SLCO3A1: variants seen among roughly 807,000 people sequenced by gnomAD.
The protein encoded by SLCO3A1 is PGE1 transporter.
SLCO3A1 carries 27 observed loss-of-function variants against 63.1 expected under a neutral mutation model. The observed-to-expected ratio is 0.43, with a 90% CI of 0.32 to 0.59. SLCO3A1 has a LOEUF of 0.59. SLCO3A1 is among the 20% of genes least tolerant of loss of function. SLCO3A1 has a pLI of 0.09. For synonymous variants in SLCO3A1, 473 were observed against 409.9 expected (o/e 1.15, Z -1.86); for missense variants, 773 against 945.8 (o/e 0.82, Z 2.40).
intron 1 of SLCO3A1, among the ~76,000 whole-genome samples, chr15:91,869,715 A>C (rs1338714018): frequency 2.6e-5 from 4 of 151,918 alleles, no homozygotes; most frequent in Admixed American, 2.6e-4. Flanking sequence ...AACAACAAAG[A>C]AAGGATCATT....
At position 92,165,629 on chromosome 15, in the gene SLCO3A1, A is replaced by G. The variant is rs2048488054; in HGVS notation, c.*2494A>G. On this transcript the variant is annotated 3_prime_UTR_variant, in exon 10 of 10. Coordinates refer to ENST00000318445, the MANE Select transcript of SLCO3A1 (RefSeq NM_013272.4). ...ACTCCAGGGCTGAGTTTTATCAGCA[A>G]TTGGGTATAAATTTAAAGACCGCTG... 1 of 985,458 alleles carries G rather than the reference A, an allele frequency of 1.0e-6. No individual in the cohort carries two copies. The highest frequency in any genetic ancestry group is 4.7e-5 in the South Asian group (1 of 21,290). 61.0% of individuals were successfully genotyped at this position (985,458 alleles called of 1,614,324 possible).
At chr15:92,120,752 T>A (rs1201444305) in intron 5 of SLCO3A1, 123 bp downstream of exon 5, 1 of 766,004 alleles carries the variant, frequency 1.3e-6, no homozygotes, top group Non-Finnish European at 2.2e-6. Flanking sequence ...CAACAAGATA[T>A]ATGTGGCCTC....
intron 1 of SLCO3A1, among the ~76,000 whole-genome samples, chr15:91,909,038 G>A (rs1421186043): frequency 2.0e-5 from 3 of 152,188 alleles, no homozygotes; most frequent in South Asian, 2.1e-4. Context: ...TCCAGCCTGC[G>A]CAACAGAGCG....
intron 1 of SLCO3A1, among the ~76,000 whole-genome samples, chr15:91,874,332 C>T (rs4932581): frequency 0.17 from 25,611 of 152,044 alleles, 2,473 homozygotes; most frequent in Middle Eastern, 0.23. Context: ...ATATTCACAA[C>T]GTTGTGCAAC....
In SLCO3A1 at chr15:92,058,459, A is replaced by G. The variant is rs577854248; in HGVS notation, c.647-36422A>G. Reference sequence around the variant, plus strand: ...CATTCCTTTTAAGGGAATGGCCTTCAGATGACCTTGAAGATAGGATGTTGG... The same window carrying G: ...CATTCCTTTTAAGGGAATGGCCTTCGGATGACCTTGAAGATAGGATGTTGG... On this transcript the variant is annotated intron_variant, in intron 2 of 9. Transcript: ENST00000318445. Among the ~76,000 whole-genome samples, 28 of 152,264 alleles carry G rather than the reference A, an allele frequency of 1.8e-4. No homozygotes were observed. In the East Asian group the frequency reaches 5.2e-3, roughly 28 times the overall value.
chr15:91,927,733 A>G (rs1253431261), intron 2 of SLCO3A1, among the ~76,000 whole-genome samples: 1 of 152,198 alleles, frequency 6.6e-6, no homozygotes, highest in Non-Finnish European at 1.5e-5. Flanking sequence ...TACCATAAGA[A>G]CATTCACGTT....
intron 2 of SLCO3A1, among the ~76,000 whole-genome samples, chr15:92,002,054 C>T (rs17644210): frequency 0.18 from 26,677 of 151,902 alleles, 2,588 homozygotes; most frequent in East Asian, 0.39. Flanking sequence ...CGGAAGACCA[C>T]GACATAGGGA....
intron 7 of SLCO3A1, among the ~76,000 whole-genome samples, chr15:92,135,798 A>T (rs2048049967): frequency 6.6e-6 from 1 of 152,210 alleles, no homozygotes; most frequent in African/African-American, 2.4e-5. Flanking sequence ...AAAAGATCAA[A>T]GATCTCACAG....
chr15:92,025,268 G>A (rs575051063), intron 2 of SLCO3A1, among the ~76,000 whole-genome samples: 64 of 150,712 alleles, frequency 4.2e-4, no homozygotes, highest in Non-Finnish European at 7.7e-4. Flanking sequence ...AATTCAAGAA[G>A]CCAAGAAGCA....
intron 9 of SLCO3A1, among the ~76,000 whole-genome samples, chr15:92,152,191 T>A (rs1209429673): frequency 6.6e-6 from 1 of 152,276 alleles, no homozygotes; most frequent in Non-Finnish European, 1.5e-5. Flanking sequence ...GTTACTTTTA[T>A]GAGATTAGTT....
intron 2 of SLCO3A1, among the ~76,000 whole-genome samples, chr15:91,938,492 T>G (rs944061723): frequency 6.6e-6 from 1 of 151,924 alleles, no homozygotes; most frequent in South Asian, 2.1e-4. Flanking sequence ...GTTTTTTTTT[T>G]TTTTTGGTAT....
chr15:92,024,416 G>C (rs1441727721), intron 2 of SLCO3A1, among the ~76,000 whole-genome samples: 6 of 152,228 alleles, frequency 3.9e-5, no homozygotes, highest in Non-Finnish European at 8.8e-5. Flanking sequence ...GACATACTGT[G>C]CTGTCTAACT....
intron 2 of SLCO3A1, among the ~76,000 whole-genome samples, chr15:92,018,009 G>A (rs1269892214): frequency 1.3e-5 from 2 of 152,200 alleles, no homozygotes; most frequent in African/African-American, 4.8e-5. Flanking sequence ...AGTGGAGGAG[G>A]ATGGATGGGA....
chr15:91,892,754 C>T (rs1042189754), intron 1 of SLCO3A1, among the ~76,000 whole-genome samples: 1 of 152,220 alleles, frequency 6.6e-6, no homozygotes, highest in Non-Finnish European at 1.5e-5. Context: ...GATTCCAGTT[C>T]TGATTCCATA....
At chr15:92,103,960 A>C (rs1022967790) in intron 3 of SLCO3A1, among the ~76,000 whole-genome samples, 6 of 152,180 alleles carry the variant, frequency 3.9e-5, no homozygotes, top group African/African-American at 1.4e-4. Context: ...TGCTTCTTTC[A>C]GTACACCTTA....
intron 8 of SLCO3A1, among the ~76,000 whole-genome samples, chr15:92,147,389 C>T (rs1040627070): frequency 1.3e-5 from 2 of 151,968 alleles, no homozygotes; most frequent in Non-Finnish European, 2.9e-5. Context: ...TTCATGTTCT[C>T]CCAGAAATAG....
chr15:91,943,885 A>G (rs937593508), intron 2 of SLCO3A1, among the ~76,000 whole-genome samples: 1 of 152,042 alleles, frequency 6.6e-6, no homozygotes, highest in African/African-American at 2.4e-5. Flanking sequence ...GTGCCTCTTC[A>G]GGGCTACCCT....
intron 7 of SLCO3A1, among the ~76,000 whole-genome samples, chr15:92,130,795 G>A (rs1288164492): frequency 6.9e-6 from 1 of 145,204 alleles, no homozygotes; most frequent in African/African-American, 2.6e-5. Flanking sequence ...AGTATTTTGG[G>A]AAAATGCCAA....
intron 3 of SLCO3A1, among the ~76,000 whole-genome samples, chr15:92,101,778 C>T (rs908413651): frequency 6.6e-6 from 1 of 152,180 alleles, no homozygotes; most frequent in African/African-American, 2.4e-5. Context: ...CTGCTGTCCA[C>T]CACCTTCACG....
Sources: allele counts gnomAD v4.1 joint callset (sites outside exome capture counted in the v4.1 genomes callset), GRCh38; gene constraint gnomAD v4.1.1; transcripts MANE v1.5; gene names NCBI Gene and HGNC (gene_info 2026-07-23, HGNC 2026-07-21).